REDIC1: variants seen among roughly 807,000 people sequenced by gnomAD.
REDIC1 encodes the protein HEI10 Interacting Protein 1.
the REDIC1 span, among the ~76,000 whole-genome samples, chr12:39,795,193 C>A: frequency 1.2e-3 from 186 of 150,380 alleles, 2 homozygotes; most frequent in African/African-American, 4.0e-3. Flanking sequence ...TCTCCCCCCA[C>A]CTCTCTCTCT....
chr12:39,797,739 C>CACACACACACACAT, the REDIC1 span, among the ~76,000 whole-genome samples: 1 of 29,734 alleles, frequency 3.4e-5, no homozygotes, highest in African/African-American at 7.4e-5. Flanking sequence ...CACACACACA[C>CACACACACACACAT]ACACACACAC....
the REDIC1 span, among the ~76,000 whole-genome samples, chr12:39,681,762 G>A: frequency 4.6e-5 from 7 of 152,030 alleles, no homozygotes; most frequent in Non-Finnish European, 8.8e-5. Flanking sequence ...GCCAATATAT[G>A]GCCTAGTACC....
chr12:39,643,663 A>C, the REDIC1 span: 88 of 771,832 alleles, frequency 1.1e-4, 1 homozygote, highest in South Asian at 1.1e-3. Context: ...TAAAGATGTC[A>C]CAAAATATAA....
chr12:39,716,062 T>G, the REDIC1 span, among the ~76,000 whole-genome samples: 2 of 152,126 alleles, frequency 1.3e-5, no homozygotes, highest in African/African-American at 4.8e-5. Context: ...CCTGAGGTAC[T>G]CATGGTTTAT....
At chr12:39,678,629 C>CAAA in the REDIC1 span, among the ~76,000 whole-genome samples, 11 of 96,172 alleles carry the variant, frequency 1.1e-4, no homozygotes, top group Non-Finnish European at 1.9e-4. Flanking sequence ...AAAGGCATAA[C>CAAA]AAAAAAAAAA....
chr12:39,907,494 A>C, the REDIC1 span: 1 of 152,074 alleles, frequency 6.6e-6, no homozygotes, highest in Non-Finnish European at 1.5e-5. Context: ...TTCCTACAAA[A>C]CTCTATCAAA....
At chr12:39,884,623 G>C in the REDIC1 span, among the ~76,000 whole-genome samples, 1 of 152,166 alleles carries the variant, frequency 6.6e-6, no homozygotes, top group Non-Finnish European at 1.5e-5. Context: ...GACTGTTCAG[G>C]GAGGGTGGGA....
chr12:39,902,952 C>T, the REDIC1 span, among the ~76,000 whole-genome samples: 17 of 152,028 alleles, frequency 1.1e-4, no homozygotes. Flanking sequence ...CTGTTGACTA[C>T]GTTCCAGGAA....
the REDIC1 span, among the ~76,000 whole-genome samples, chr12:39,734,558 G>A: frequency 6.6e-6 from 1 of 152,114 alleles, no homozygotes; most frequent in African/African-American, 2.4e-5. Flanking sequence ...TTTTTGTAAT[G>A]TATATAATAT....
the REDIC1 span, among the ~76,000 whole-genome samples, chr12:39,797,059 T>C: frequency 3.3e-5 from 5 of 152,246 alleles, no homozygotes; most frequent in Admixed American, 6.5e-5. Context: ...AAAGTACTAT[T>C]TGATAACTTG....
At chr12:39,714,167 G>T in the REDIC1 span, among the ~76,000 whole-genome samples, 1 of 139,824 alleles carries the variant, frequency 7.2e-6, no homozygotes, top group Admixed American at 7.2e-5. Context: ...GCATATATGC[G>T]TATATGTATA....
chr12:39,645,511 T>A, the REDIC1 span, among the ~76,000 whole-genome samples: 4 of 152,152 alleles, frequency 2.6e-5, no homozygotes, highest in Non-Finnish European at 4.4e-5. Context: ...TCTTCATCAT[T>A]GAGGCTCAAA....
At chr12:39,713,014 TGTGTATATACGTGTATATGTATATATACA>T in the REDIC1 span, among the ~76,000 whole-genome samples, 1 of 140,692 alleles carries the variant, frequency 7.1e-6, no homozygotes, top group Non-Finnish European at 1.5e-5. Context: ...TATATATACA[TGTGTATATACGTGTATATGTATATATACA>T]TGTGTATATA....
the REDIC1 span, among the ~76,000 whole-genome samples, chr12:39,649,449 A>C: frequency 6.6e-6 from 1 of 151,816 alleles, no homozygotes; most frequent in Admixed American, 6.6e-5. Flanking sequence ...TCTTATTTTA[A>C]GGGATAAAGT....
At chr12:39,712,549 C>A in the REDIC1 span, among the ~76,000 whole-genome samples, 4 of 138,238 alleles carry the variant, frequency 2.9e-5, no homozygotes, top group Non-Finnish European at 4.7e-5. Context: ...CGTATATACA[C>A]GACATATGTG....
At chr12:39,765,368 G>T in the REDIC1 span, among the ~76,000 whole-genome samples, 3 of 151,962 alleles carry the variant, frequency 2.0e-5, no homozygotes, top group African/African-American at 7.3e-5. Context: ...TTTCTGCTCC[G>T]TGTCCTTGCT....
At chr12:39,797,773 CACAT>C in the REDIC1 span, among the ~76,000 whole-genome samples, 1 of 152,030 alleles carries the variant, frequency 6.6e-6, no homozygotes, top group Non-Finnish European at 1.5e-5. Context: ...CACACACACA[CACAT>C]ACACGGATGC....
the REDIC1 span, among the ~76,000 whole-genome samples, chr12:39,679,975 T>C: frequency 2.6e-5 from 4 of 152,284 alleles, no homozygotes; most frequent in African/African-American, 9.6e-5. Flanking sequence ...TCTCACCTTA[T>C]ATAAAAATCA....
At chr12:39,790,710 T>C in the REDIC1 span, among the ~76,000 whole-genome samples, 1 of 93,604 alleles carries the variant, frequency 1.1e-5, no homozygotes, top group Non-Finnish European at 2.1e-5. Context: ...AGCAGCATGA[T>C]TTATAGTCAT....
Sources: gnomAD v4.1 joint callset for allele counts (sites outside exome capture counted in the v4.1 genomes callset) on GRCh38, gnomAD v4.1.1 for gene constraint, MANE v1.5 for transcripts, NCBI Gene and HGNC (gene_info 2026-07-23, HGNC 2026-07-21) for gene names.